ADGRV1: variants seen among roughly 807,000 people sequenced by gnomAD.
ADGRV1 encodes the protein adhesion G protein-coupled receptor V1.
A neutral mutation model predicts 596.2 loss-of-function variants in ADGRV1; 359 were observed. That is an observed-to-expected ratio of 0.60 (90% CI 0.55 to 0.66). The LOEUF is 0.66. Ranked by LOEUF, ADGRV1 falls within the 30% of genes least tolerant of loss-of-function variation. ADGRV1 has a pLI of 0.00. For missense variants in ADGRV1, 7,274 were observed against 7,575.6 expected (o/e 0.96, Z 1.48); for synonymous variants, 2,681 against 2,679.2 (o/e 1.00, Z -0.02).
At chr5:91,069,029 C>T (rs1788140562) in intron 85 of ADGRV1, among the ~76,000 whole-genome samples, 1 of 152,086 alleles carries the variant, frequency 6.6e-6, no homozygotes, top group South Asian at 2.1e-4. Flanking sequence ...CTGACAAGAA[C>T]AAATGACAGG....
chr5:90,564,330 G>A (rs1203616302), intron 1 of ADGRV1, among the ~76,000 whole-genome samples: 1 of 152,198 alleles, frequency 6.6e-6, no homozygotes, highest in African/African-American at 2.4e-5. Flanking sequence ...AGGTTGGAGA[G>A]TGTTCTGGAA....
intron 27 of ADGRV1, among the ~76,000 whole-genome samples, chr5:90,683,058 A>G (rs1745149704): frequency 6.6e-6 from 1 of 152,238 alleles, no homozygotes; most frequent in African/African-American, 2.4e-5. Flanking sequence ...TGAAAATTTT[A>G]TGAGTGTGCC....
At chr5:90,763,263 GTT>G (rs748905721) in intron 58 of ADGRV1, 40 bp from the exon 59 acceptor site, 54 of 1,081,152 alleles carry the variant, frequency 5.0e-5, no homozygotes, top group Admixed American at 1.2e-4. Flanking sequence ...TGCTCTTTTT[GTT>G]TTTTTTTTTG....
chr5:90,652,372 G>A lies in ADGRV1; in HGVS notation c.3443G>A (p.Gly1148Asp), dbSNP rs200945405. ...ATTTTGAGGCACCGAGGATACTTTG[G>A]TAGTGTTTCTGTATCTTGGCAGCTC... ...FWILRHRGYF[G>D]SVSVSWQLFQ... The change falls in exon 19 of 90, where the codon GGT becomes GAT. Residue 1148 changes from glycine (G) to aspartate (D), a missense_variant. Coordinates refer to ENST00000405460, the MANE Select transcript of ADGRV1 (RefSeq NM_032119.4). 2.3e-3 allele frequency: 3,630 copies of A among 1,603,510 alleles called. 8 individuals are homozygous for A. Among genetic ancestry groups the A allele is most frequent in the South Asian group, 2.8e-3 (241 of 87,190 alleles).
intron 86 of ADGRV1, among the ~76,000 whole-genome samples, chr5:91,096,707 A>G (rs1790897915): frequency 6.6e-6 from 1 of 152,068 alleles, no homozygotes; most frequent in South Asian, 2.1e-4. Flanking sequence ...TGTTAATTGT[A>G]GTAAAATATA....
intron 85 of ADGRV1, among the ~76,000 whole-genome samples, chr5:91,044,059 A>G (rs1785589526): frequency 1.3e-5 from 2 of 152,254 alleles, no homozygotes; most frequent in Admixed American, 1.3e-4. Flanking sequence ...TATTTGGAGA[A>G]TGAATGAAGA....
chr5:90,948,699 G>A (rs1338902841), intron 83 of ADGRV1, among the ~76,000 whole-genome samples: 2 of 152,130 alleles, frequency 1.3e-5, no homozygotes, highest in East Asian at 3.9e-4. Flanking sequence ...CCTTAAACAA[G>A]CTCTGACACT....
At chr5:90,921,168 C>T (rs1773841339) in intron 83 of ADGRV1, among the ~76,000 whole-genome samples, 1 of 152,166 alleles carries the variant, frequency 6.6e-6, no homozygotes, top group Admixed American at 6.5e-5. Context: ...TCTTTTGCTA[C>T]ATAGTATGTA....
At chr5:90,565,308 C>G (rs547549315) in intron 1 of ADGRV1, among the ~76,000 whole-genome samples, 1 of 152,206 alleles carries the variant, frequency 6.6e-6, no homozygotes, top group Non-Finnish European at 1.5e-5. Flanking sequence ...AAGAAGCTCT[C>G]TACCCATTAG....
intron 75 of ADGRV1, among the ~76,000 whole-genome samples, chr5:90,819,128 T>C (rs12655873): frequency 0.98 from 149,892 of 152,256 alleles, 73,820 homozygotes; most frequent in East Asian, 1. Flanking sequence ...TCAACTTCTT[T>C]GTGGTTTAGT....
chr5:90,768,707 A>G (rs189214795), intron 59 of ADGRV1, among the ~76,000 whole-genome samples: 112 of 152,294 alleles, frequency 7.4e-4, no homozygotes, highest in African/African-American at 2.4e-3. Context: ...AGGACAACTA[A>G]GCTCCATACT....
At chr5:90,732,597 C>T (rs1323388444) in intron 50 of ADGRV1, among the ~76,000 whole-genome samples, 1 of 152,126 alleles carries the variant, frequency 6.6e-6, no homozygotes, top group Non-Finnish European at 1.5e-5. Context: ...AGTCTTTAAT[C>T]AAAATCCCCC....
At chr5:90,559,043 A>T in intron 1 of ADGRV1, 126 bp downstream of exon 1, 1 of 786,012 alleles carries the variant, frequency 1.3e-6, no homozygotes, top group Non-Finnish European at 1.8e-6. Flanking sequence ...AGCCGGGCCC[A>T]GGGAGGCTGG....
rs1233938069 is a variant in ADGRV1 at position 90,961,514 on chromosome 5, GT to G, written c.17857-3900del. ...AAAAAAAAAAAAAAAAAAAGGGGGG[GT>G]GGCGGTCATTTCAAGAATAATTTTA... On this transcript the variant is annotated intron_variant, in intron 83 of 89. Coordinates refer to ENST00000405460, the MANE Select transcript of ADGRV1 (RefSeq NM_032119.4). 2.6e-3 allele frequency among the ~76,000 whole-genome samples: 358 copies of G among 140,346 alleles called. 15 individuals are homozygous for G. The highest frequency in any genetic ancestry group is 8.1e-3 in the African/African-American group (285 of 35,368). The allele number at this position is 140,346 out of a possible 152,430, so 92.1% of individuals were successfully genotyped here.
At chr5:90,823,683 C>A in intron 76 of ADGRV1, 87 bp downstream of exon 76, 4 of 1,164,896 alleles carry the variant, frequency 3.4e-6, no homozygotes, top group Non-Finnish European at 4.9e-6. Context: ...GAAACTTACA[C>A]ATTGTTGATA....
intron 21 of ADGRV1, among the ~76,000 whole-genome samples, chr5:90,659,177 GA>G (rs1444217946): frequency 6.6e-6 from 1 of 152,088 alleles, no homozygotes; most frequent in African/African-American, 2.4e-5. Flanking sequence ...TTTTACATCA[GA>G]AATAGCATAT....
intron 86 of ADGRV1, among the ~76,000 whole-genome samples, chr5:91,100,925 CA>C (rs1442389731): frequency 1.3e-5 from 2 of 152,236 alleles, no homozygotes; most frequent in African/African-American, 4.8e-5. Context: ...TGGTAATCAT[CA>C]AAAGTGTCAG....
chr5:90,786,024 G>A (rs969389128), intron 67 of ADGRV1, among the ~76,000 whole-genome samples: 2 of 152,140 alleles, frequency 1.3e-5, no homozygotes, highest in African/African-American at 4.8e-5. Context: ...ATGATAGACT[G>A]GATTAGGAAA....
At chr5:90,881,555 G>A (rs1769775631) in intron 83 of ADGRV1, among the ~76,000 whole-genome samples, 1 of 152,074 alleles carries the variant, frequency 6.6e-6, no homozygotes, top group South Asian at 2.1e-4. Flanking sequence ...CAAGGGAGGT[G>A]AACTTTGGCC....
Sources: allele counts gnomAD v4.1 joint callset (sites outside exome capture counted in the v4.1 genomes callset), GRCh38; gene constraint gnomAD v4.1.1; transcripts MANE v1.5; gene names NCBI Gene and HGNC (gene_info 2026-07-23, HGNC 2026-07-21).